The following OR10J1 variants were observed in gnomAD, a reference collection of about 807,000 sequenced individuals.
OR10J1 encodes olfactory receptor family 10 subfamily J member 1.
For missense variants in OR10J1, 474 were observed against 376.6 expected (o/e 1.26, Z -2.14); for synonymous variants, 202 against 143.8 (o/e 1.40, Z -2.89).
chr1:159,438,734 C>T (rs955165507), upstream of OR10J1, among the ~76,000 whole-genome samples: 1 of 152,190 alleles, frequency 6.6e-6, no homozygotes, highest in African/African-American at 2.4e-5. Context: ...CAAAACTTCT[C>T]TTTCTGAATA....
chr1:159,425,244 A>T, the OR10J1 span, among the ~76,000 whole-genome samples: 1 of 152,106 alleles, frequency 6.6e-6, no homozygotes, highest in Admixed American at 6.6e-5. Flanking sequence ...AAAATGAGGG[A>T]TCTAGGAAGC....
At chr1:159,402,121 G>A in the OR10J1 span, among the ~76,000 whole-genome samples, 1 of 151,946 alleles carries the variant, frequency 6.6e-6, no homozygotes, top group Admixed American at 6.6e-5. Flanking sequence ...ATATATGACA[G>A]ACCTACAGCT....
At chr1:159,436,966 C>T (rs1001664540), upstream of OR10J1, among the ~76,000 whole-genome samples, 1 of 152,202 alleles carries the variant, frequency 6.6e-6, no homozygotes, top group Non-Finnish European at 1.5e-5. Flanking sequence ...GCACCTCATC[C>T]ATTTCTGTAT....
upstream of OR10J1, among the ~76,000 whole-genome samples, chr1:159,433,558 G>C (rs1473898217): frequency 6.6e-6 from 1 of 152,144 alleles, no homozygotes; most frequent in African/African-American, 2.4e-5. Context: ...ACCACCCCTT[G>C]TCTGAAGATG....
chr1:159,430,668 T>TGTGTGTGTGCAC, the OR10J1 span, among the ~76,000 whole-genome samples: 2 of 69,614 alleles, frequency 2.9e-5, no homozygotes, highest in Non-Finnish European at 5.0e-5. Flanking sequence ...TGTGTGTGTG[T>TGTGTGTGTGCAC]GCGCGCGCGC....
the OR10J1 span, among the ~76,000 whole-genome samples, chr1:159,398,673 T>C: frequency 2.0e-5 from 3 of 152,096 alleles, no homozygotes; most frequent in East Asian, 5.8e-4. Flanking sequence ...AAGAGAGAAT[T>C]AGTGAGCTTG....
the OR10J1 span, among the ~76,000 whole-genome samples, chr1:159,399,098 A>T: frequency 6.6e-6 from 1 of 152,196 alleles, no homozygotes; most frequent in Non-Finnish European, 1.5e-5. Context: ...TGGACTTCTC[A>T]GTGGAAACAT....
At chr1:159,412,967 C>T in the OR10J1 span, among the ~76,000 whole-genome samples, 7 of 152,100 alleles carry the variant, frequency 4.6e-5, no homozygotes, top group East Asian at 1.9e-4. Flanking sequence ...CCAGAATCGA[C>T]AATGAACTCA....
the OR10J1 span, among the ~76,000 whole-genome samples, chr1:159,402,035 A>C: frequency 1.3e-5 from 2 of 152,108 alleles, no homozygotes; most frequent in Non-Finnish European, 2.9e-5. Context: ...GCATTTGATA[A>C]AATCCAACAT....
the OR10J1 span, among the ~76,000 whole-genome samples, chr1:159,428,310 G>C: frequency 6.6e-6 from 1 of 152,006 alleles, no homozygotes; most frequent in African/African-American, 2.4e-5. Flanking sequence ...ATTCATCCTA[G>C]ATTTTCTTAG....
chr1:159,410,463 T>G, the OR10J1 span, among the ~76,000 whole-genome samples: 1 of 152,206 alleles, frequency 6.6e-6, no homozygotes, highest in Admixed American at 6.5e-5. Context: ...CCATTTCTTC[T>G]AGATTTTCCA....
the OR10J1 span, among the ~76,000 whole-genome samples, chr1:159,418,376 G>A: frequency 6.6e-6 from 1 of 152,140 alleles, no homozygotes; most frequent in African/African-American, 2.4e-5. Flanking sequence ...GTCTATTGGT[G>A]CCCTGAGTCC....
chr1:159,398,082 G>C, the OR10J1 span, among the ~76,000 whole-genome samples: 993 of 152,334 alleles, frequency 6.5e-3, 10 homozygotes, highest in African/African-American at 0.022. Flanking sequence ...GAGAAAGTAA[G>C]GGAAGAGAAT....
upstream of OR10J1, among the ~76,000 whole-genome samples, chr1:159,435,763 A>G (rs1281566082): frequency 6.6e-6 from 1 of 152,190 alleles, no homozygotes; most frequent in East Asian, 1.9e-4. Context: ...GCCATAAACA[A>G]ACTATAATAA....
upstream of OR10J1, among the ~76,000 whole-genome samples, chr1:159,439,244 G>T (rs920056013): frequency 6.6e-6 from 1 of 152,168 alleles, no homozygotes; most frequent in East Asian, 1.9e-4. Flanking sequence ...GACATCACTA[G>T]TCCATCCCTA....
rs1309983806 is a variant in OR10J1, at chr1:159,440,160, T to C, written c.369T>C (p.Tyr123=). The C allele has an allele frequency of 1.9e-6, 3 of 1,614,052 alleles. No homozygotes were observed. The highest frequency in any genetic ancestry group is 2.5e-6 in the Non-Finnish European group (3 of 1,180,028). Residue 123 remains tyrosine (Y), a synonymous_variant, in exon 1 of 1, where the codon TAT becomes TAC. Transcript: ENST00000423932. ...TCACAGCAATGGGATATGACCGCTA[T>C]GTGGCCATCTGCAACCCCCTGAGAT... The part of the protein sequence containing the change: ...FLLTAMGYDR[Y]VAICNPLRYM...
chr1:159,431,115 G>A, the OR10J1 span, among the ~76,000 whole-genome samples: 6 of 152,146 alleles, frequency 3.9e-5, no homozygotes, highest in African/African-American at 7.2e-5. Context: ...GGGGAGACTC[G>A]GGTATTAAAC....
At chr1:159,427,753 C>T in the OR10J1 span, among the ~76,000 whole-genome samples, 1 of 151,974 alleles carries the variant, frequency 6.6e-6, no homozygotes, top group Non-Finnish European at 1.5e-5. Context: ...TAATTGCAAA[C>T]CTTTCATACC....
chr1:159,406,094 C>T, the OR10J1 span: 1 of 437,986 alleles, frequency 2.3e-6, no homozygotes, highest in Non-Finnish European at 4.5e-6. Flanking sequence ...TGACAATAAG[C>T]TAGTGAGGAT....
Sources: gnomAD v4.1 joint callset for allele counts (sites outside exome capture counted in the v4.1 genomes callset) on GRCh38, gnomAD v4.1.1 for gene constraint, MANE v1.5 for transcripts, NCBI Gene and HGNC (gene_info 2026-07-23, HGNC 2026-07-21) for gene names.